Variants in KIAA0825 observed in about 807,000 individuals in gnomAD.
The protein encoded by KIAA0825 is uncharacterized protein KIAA0825.
In KIAA0825, 119 loss-of-function variants were observed where a neutral mutation model predicts 147.6. The ratio of observed to expected loss-of-function variants is 0.81; its 90% confidence interval spans 0.69 to 0.94. The LOEUF (loss-of-function observed/expected upper bound fraction) is 0.94. KIAA0825 is among the 40% of genes least tolerant of loss of function. The probability of loss-of-function intolerance (pLI) is 0.00; values close to 1 mark genes in which losing one functional copy is unlikely to be tolerated. For synonymous variants in KIAA0825, 470 were observed against 518.1 expected (o/e 0.91, Z 1.26); for missense variants, 1,381 against 1,472.7 (o/e 0.94, Z 1.02).
intron 15 of KIAA0825, among the ~76,000 whole-genome samples, chr5:94,404,079 A>T (rs1751733736): frequency 6.6e-6 from 1 of 152,212 alleles, no homozygotes; most frequent in African/African-American, 2.4e-5. Flanking sequence ...TTCTTAGATG[A>T]CAACTTGGCA....
intron 2 of KIAA0825, among the ~76,000 whole-genome samples, chr5:94,558,449 C>G (rs1370910203): frequency 6.6e-6 from 1 of 152,204 alleles, no homozygotes; most frequent in Non-Finnish European, 1.5e-5. Context: ...TTTTGCTCTT[C>G]CCTGATTACA....
At chr5:94,400,531 C>T (rs975443536) in intron 16 of KIAA0825, among the ~76,000 whole-genome samples, 6 of 152,064 alleles carry the variant, frequency 3.9e-5, no homozygotes, top group African/African-American at 1.4e-4. Context: ...TGTTTCCTCT[C>T]TCTAGAATTC....
intron 20 of KIAA0825, among the ~76,000 whole-genome samples, chr5:94,258,043 T>TAAAATG (rs1776327258): frequency 6.6e-6 from 1 of 152,046 alleles, no homozygotes; most frequent in Non-Finnish European, 1.5e-5. Context: ...TGTATGATGT[T>TAAAATG]AAAATGAATA....
chr5:94,377,942 A>C (rs577386927), intron 20 of KIAA0825, among the ~76,000 whole-genome samples: 1 of 152,308 alleles, frequency 6.6e-6, no homozygotes, highest in East Asian at 1.9e-4. Flanking sequence ...TCTGTCATCC[A>C]AATGTCAAAA....
At chr5:94,379,585 CT>C (rs1200693088) in intron 20 of KIAA0825, among the ~76,000 whole-genome samples, 1 of 151,998 alleles carries the variant, frequency 6.6e-6, no homozygotes, top group African/African-American at 2.4e-5. Flanking sequence ...TATTCAGGCT[CT>C]TTTTTTGTTC....
chr5:94,540,988 G>T (rs1561287693), intron 2 of KIAA0825, among the ~76,000 whole-genome samples: 1 of 152,182 alleles, frequency 6.6e-6, no homozygotes, highest in Non-Finnish European at 1.5e-5. Flanking sequence ...AAAATAACTG[G>T]TTGTTTAAAA....
At chr5:94,372,495 G>T (rs1304277143) in intron 20 of KIAA0825, among the ~76,000 whole-genome samples, 5 of 152,212 alleles carry the variant, frequency 3.3e-5, no homozygotes. Context: ...CCACGTGGAA[G>T]CTGCCAAGGT....
At chr5:94,296,753 G>A (rs945039422) in intron 20 of KIAA0825, among the ~76,000 whole-genome samples, 10 of 152,128 alleles carry the variant, frequency 6.6e-5, no homozygotes, top group African/African-American at 2.4e-4. Flanking sequence ...ACCAGTCCCA[G>A]TGAGATGAGC....
At chr5:94,203,800 T>C (rs1771909995) in intron 20 of KIAA0825, among the ~76,000 whole-genome samples, 1 of 152,156 alleles carries the variant, frequency 6.6e-6, no homozygotes, top group South Asian at 2.1e-4. Flanking sequence ...TAACTGCTGA[T>C]TCCTTCCATC....
At chr5:94,542,829 G>A (rs1773610738) in intron 2 of KIAA0825, among the ~76,000 whole-genome samples, 1 of 151,912 alleles carries the variant, frequency 6.6e-6, no homozygotes, top group South Asian at 2.1e-4. Context: ...GAAAAAAAAA[G>A]AATCTGTTTT....
chr5:94,429,233 G>A (rs1376297133), intron 14 of KIAA0825, among the ~76,000 whole-genome samples: 1 of 152,156 alleles, frequency 6.6e-6, no homozygotes, highest in Non-Finnish European at 1.5e-5. Context: ...GAGAGCTAGT[G>A]CAATCCTTTG....
At chr5:94,354,843 T>C (rs1049745487) in intron 20 of KIAA0825, among the ~76,000 whole-genome samples, 3 of 152,226 alleles carry the variant, frequency 2.0e-5, no homozygotes, top group Non-Finnish European at 4.4e-5. Context: ...AAGAGATTTA[T>C]TCTGAGCCAA....
intron 20 of KIAA0825, among the ~76,000 whole-genome samples, chr5:94,264,523 C>T (rs1776654321): frequency 6.6e-6 from 1 of 152,118 alleles, no homozygotes; most frequent in Admixed American, 6.5e-5. Flanking sequence ...TTTTCTTTAT[C>T]TTTCAAGCCT....
intron 20 of KIAA0825, among the ~76,000 whole-genome samples, chr5:94,204,716 T>G (rs1562311574): frequency 6.6e-6 from 1 of 152,186 alleles, no homozygotes; most frequent in Non-Finnish European, 1.5e-5. Flanking sequence ...ACCTCATTTT[T>G]CTGGGTATTT....
At chr5:94,435,518 A>G (rs996086235) in intron 14 of KIAA0825, among the ~76,000 whole-genome samples, 4 of 151,984 alleles carry the variant, frequency 2.6e-5, no homozygotes, top group Admixed American at 1.3e-4. Flanking sequence ...TATCCAGTCT[A>G]TCATTGATGG....
intron 5 of KIAA0825, among the ~76,000 whole-genome samples, chr5:94,488,569 T>A (rs942362746): frequency 6.6e-6 from 1 of 152,114 alleles, no homozygotes; most frequent in Non-Finnish European, 1.5e-5. Context: ...ATATATAATT[T>A]TAATAAGAAT....
At chr5:94,397,595 G>A (rs757636090) in intron 16 of KIAA0825, among the ~76,000 whole-genome samples, 2 of 151,986 alleles carry the variant, frequency 1.3e-5, no homozygotes, top group Non-Finnish European at 2.9e-5. Flanking sequence ...TCTGTATCAG[G>A]GTTTCTCAAC....
intron 20 of KIAA0825, among the ~76,000 whole-genome samples, chr5:94,223,546 A>T (rs1773852446): frequency 3.3e-5 from 5 of 152,228 alleles, no homozygotes; most frequent in Admixed American, 3.3e-4. Context: ...TGCAACTGTG[A>T]TGTTAATCAC....
At chr5:94,607,610 AAAAC>A (rs746072286) in intron 1 of KIAA0825, among the ~76,000 whole-genome samples, 95 of 152,240 alleles carry the variant, frequency 6.2e-4, no homozygotes, top group East Asian at 1.9e-3. Context: ...GTCCGTCTCC[AAAAC>A]AAACAAACAA....
Sources: gnomAD v4.1 joint callset for allele counts (sites outside exome capture counted in the v4.1 genomes callset) on GRCh38, gnomAD v4.1.1 for gene constraint, MANE v1.5 for transcripts, NCBI Gene and HGNC (gene_info 2026-07-23, HGNC 2026-07-21) for gene names.